The following FRMD4A variants were observed in gnomAD, a reference collection of about 807,000 sequenced individuals.
FRMD4A encodes FERM domain containing 4A, also known as FERM domain-containing protein 4A.
Under a neutral mutation model 129.1 loss-of-function variants are expected in FRMD4A, and 29 were observed. The observed-to-expected ratio is 0.22, with a 90% CI of 0.17 to 0.31. The LOEUF (loss-of-function observed/expected upper bound fraction) is 0.31, where lower values mean the gene tolerates loss of function less well. Among genes scored for constraint, FRMD4A ranks in the 10% least tolerant of loss-of-function variants. The pLI is 1.00. For synonymous variants in FRMD4A, 634 were observed against 571.6 expected, an observed-to-expected ratio of 1.11 and a Z score of -1.56; for missense variants, 1,272 against 1,375.8, an observed-to-expected ratio of 0.92 and a Z score of 1.19.
chr10:14,231,831 C>A (rs1015152133), intron 2 of FRMD4A, among the ~76,000 whole-genome samples: 1 of 152,142 alleles, frequency 6.6e-6, no homozygotes. Flanking sequence ...CGATATTAGA[C>A]CTTTGTCAGA....
chr10:13,738,372 G>A (rs905647403), intron 11 of FRMD4A, among the ~76,000 whole-genome samples: 2 of 152,176 alleles, frequency 1.3e-5, no homozygotes, highest in Admixed American at 6.5e-5. Context: ...AGAGCCAGAG[G>A]AGCTGTGGAG....
chr10:13,735,630 A>G (rs1430261140), intron 12 of FRMD4A, among the ~76,000 whole-genome samples: 1 of 152,202 alleles, frequency 6.6e-6, no homozygotes, highest in African/African-American at 2.4e-5. Flanking sequence ...ATTGAACCAA[A>G]CAAGTATGAA....
intron 2 of FRMD4A, among the ~76,000 whole-genome samples, chr10:13,867,333 A>C (rs971290723): frequency 2.6e-5 from 4 of 151,956 alleles, no homozygotes; most frequent in African/African-American, 9.7e-5. Flanking sequence ...ATCACAGCTC[A>C]CTGCAACCTC....
chr10:14,245,210 T>C (rs1304601745), intron 2 of FRMD4A, among the ~76,000 whole-genome samples: 5 of 152,170 alleles, frequency 3.3e-5, no homozygotes, highest in African/African-American at 4.8e-5. Context: ...CTGGGATCAG[T>C]GGCAGTGGAG....
At chr10:14,100,984 G>C (rs1268819052) in intron 2 of FRMD4A, among the ~76,000 whole-genome samples, 1 of 152,162 alleles carries the variant, frequency 6.6e-6, no homozygotes, top group Non-Finnish European at 1.5e-5. Flanking sequence ...GGATGGAGCT[G>C]TGATGTTTGG....
At chr10:13,917,374 C>A (rs1231434526) in intron 2 of FRMD4A, among the ~76,000 whole-genome samples, 1 of 150,718 alleles carries the variant, frequency 6.6e-6, no homozygotes, top group Admixed American at 6.6e-5. Flanking sequence ...ACTGCAACCT[C>A]CACCTCCTGG....
At chr10:14,180,096 A>G (rs1334861085) in intron 2 of FRMD4A, among the ~76,000 whole-genome samples, 2 of 152,184 alleles carry the variant, frequency 1.3e-5, no homozygotes, top group Non-Finnish European at 1.5e-5. Context: ...AAACCTCACA[A>G]TGATCCCATG....
chr10:14,312,624 A>G, intron 2 of FRMD4A, among the ~76,000 whole-genome samples: 1 of 152,238 alleles, frequency 6.6e-6, no homozygotes, highest in East Asian at 1.9e-4. Flanking sequence ...GATTGATTAA[A>G]TAAATTATGA....
intron 15 of FRMD4A, chr10:13,684,583 C>T (rs575310664): frequency 1.6e-5 from 16 of 985,430 alleles, no homozygotes; most frequent in Middle Eastern, 1.0e-3. Flanking sequence ...CTCATTCAGC[C>T]GCGAGCCAGA....
chr10:13,708,090 C>T (rs911941856), intron 12 of FRMD4A, among the ~76,000 whole-genome samples: 6 of 152,320 alleles, frequency 3.9e-5, no homozygotes, highest in Middle Eastern at 3.4e-3. Flanking sequence ...CTGGGAATTT[C>T]GGTTTATTTT....
At chr10:13,867,651 A>G (rs1255400658) in intron 2 of FRMD4A, among the ~76,000 whole-genome samples, 1 of 134,548 alleles carries the variant, frequency 7.4e-6, no homozygotes, top group East Asian at 2.0e-4. Flanking sequence ...AATACATAAT[A>G]AATATATAAT....
chr10:14,317,608 C>A (rs1294069562), intron 2 of FRMD4A, among the ~76,000 whole-genome samples: 1 of 151,656 alleles, frequency 6.6e-6, no homozygotes, highest in East Asian at 1.9e-4. Context: ...GCACATACCA[C>A]AATATCTCTG....
intron 2 of FRMD4A, among the ~76,000 whole-genome samples, chr10:14,144,953 A>G (rs565102948): frequency 3.3e-5 from 5 of 152,256 alleles, no homozygotes; most frequent in Admixed American, 1.3e-4. Flanking sequence ...CTTAGAAACC[A>G]TCTACTGCTG....
chr10:14,102,270 T>A (rs916289489), intron 2 of FRMD4A, among the ~76,000 whole-genome samples: 3 of 152,210 alleles, frequency 2.0e-5, no homozygotes, highest in Non-Finnish European at 2.9e-5. Flanking sequence ...CTCACGCCTG[T>A]AATCCCAGTA....
intron 12 of FRMD4A, among the ~76,000 whole-genome samples, chr10:13,714,645 A>T (rs2088596097): frequency 6.6e-6 from 1 of 152,140 alleles, no homozygotes; most frequent in African/African-American, 2.4e-5. Context: ...CAAGACATAC[A>T]TAAAGTAGCT....
At position 13,645,859 on chromosome 10, in the gene FRMD4A, G is replaced by A. The variant is rs2081087165; in HGVS notation, c.*1179C>T. 6.6e-6 allele frequency: 1 copy of A among 152,548 alleles called. No individual in the cohort carries two copies. Among genetic ancestry groups the A allele is most frequent in the Non-Finnish European group, 1.5e-5 (1 of 68,026 alleles). The allele number at this position is 152,548 out of a possible 1,614,324, so 9.4% of individuals were successfully genotyped here. ...TGGATCGCAATGTGCTTTTCCCTTG[G>A]TTTCCCATAAAAACGAAAATGAAAC... On this transcript the variant is annotated 3_prime_UTR_variant, in exon 25 of 25. Coordinates refer to ENST00000357447, the MANE Select transcript of FRMD4A (RefSeq NM_018027.5).
chr10:14,255,126 C>G (rs1844564733), intron 2 of FRMD4A, among the ~76,000 whole-genome samples: 1 of 152,216 alleles, frequency 6.6e-6, no homozygotes, highest in South Asian at 2.1e-4. Context: ...TTGCTAAAAT[C>G]TGGAAGAATT....
At chr10:13,899,130 C>T (rs1353202380) in intron 2 of FRMD4A, among the ~76,000 whole-genome samples, 1 of 152,056 alleles carries the variant, frequency 6.6e-6, no homozygotes, top group East Asian at 1.9e-4. Context: ...CCACTGCACT[C>T]CAGCCTGGGT....
intron 12 of FRMD4A, among the ~76,000 whole-genome samples, chr10:13,735,797 G>A (rs1460360123): frequency 6.6e-6 from 1 of 152,172 alleles, no homozygotes; most frequent in Non-Finnish European, 1.5e-5. Flanking sequence ...CCAGAATTTT[G>A]TTAAAGGCTT....
Sources: gnomAD v4.1 joint callset for allele counts (sites outside exome capture counted in the v4.1 genomes callset) on GRCh38, gnomAD v4.1.1 for gene constraint, MANE v1.5 for transcripts, NCBI Gene and HGNC (gene_info 2026-07-23, HGNC 2026-07-21) for gene names.